Variants in EXT1 observed in about 807,000 individuals in gnomAD.
EXT1 encodes the protein exostosin glycosyltransferase 1.
EXT1 carries 20 observed loss-of-function variants against 82.5 expected under a neutral mutation model. The observed-to-expected ratio is 0.24, with a 90% CI of 0.17 to 0.35. The LOEUF (loss-of-function observed/expected upper bound fraction) is 0.35. Among genes scored for constraint, EXT1 ranks in the 10% least tolerant of loss-of-function variants. The probability of loss-of-function intolerance (pLI) is 1.00; values close to 1 mark genes in which losing one functional copy is unlikely to be tolerated. For synonymous variants in EXT1, 348 were observed against 350.8 expected (o/e 0.99, Z 0.09); for missense variants, 757 against 936.5 (o/e 0.81, Z 2.50).
intron 1 of EXT1, among the ~76,000 whole-genome samples, chr8:117,986,085 A>C (rs1194782952): frequency 6.6e-6 from 1 of 152,204 alleles, no homozygotes; most frequent in African/African-American, 2.4e-5. Flanking sequence ...TAATAGAGTT[A>C]CTAAAAATTT....
At chr8:117,865,961 A>T (rs1812768492) in intron 1 of EXT1, among the ~76,000 whole-genome samples, 1 of 152,228 alleles carries the variant, frequency 6.6e-6, no homozygotes, top group Non-Finnish European at 1.5e-5. Context: ...GCAGTGGCTC[A>T]CACCTGTAAT....
chr8:117,981,598 T>C (rs942911148), intron 1 of EXT1, among the ~76,000 whole-genome samples: 1 of 152,164 alleles, frequency 6.6e-6, no homozygotes, highest in African/African-American at 2.4e-5. Flanking sequence ...GGCTCATGGC[T>C]GTAATCCCAT....
chr8:118,059,537 C>A (rs1816850867), intron 1 of EXT1, among the ~76,000 whole-genome samples: 2 of 152,200 alleles, frequency 1.3e-5, no homozygotes, highest in African/African-American at 4.8e-5. Context: ...CCACCCAGCA[C>A]CAGACACATG....
chr8:117,845,406 T>C (rs1257509508), intron 1 of EXT1, among the ~76,000 whole-genome samples: 1 of 152,166 alleles, frequency 6.6e-6, no homozygotes, highest in Non-Finnish European at 1.5e-5. Context: ...TTCAGAACCT[T>C]AAACTTAGCC....
intron 1 of EXT1, among the ~76,000 whole-genome samples, chr8:118,065,428 A>C (rs1816963258): frequency 6.6e-6 from 1 of 152,228 alleles, no homozygotes; most frequent in Non-Finnish European, 1.5e-5. Flanking sequence ...GTGGCAAAAC[A>C]AAACAAAACA....
Position 118,110,091 on chromosome 8 carries a change from T to C in EXT1, c.956A>G (p.Tyr319Cys). The C allele has an allele frequency of 6.2e-7, 1 of 1,614,062 alleles. No homozygotes were observed. The highest frequency in any genetic ancestry group is 8.5e-7 in the Non-Finnish European group (1 of 1,180,026). The change falls in exon 1 of 11, where the codon TAT becomes TGT. Residue 319 changes from tyrosine (Y) to cysteine (C), a missense_variant. Tyr to Cys is a radical substitution (Grantham distance 194). This residue lies in a region of EXT1 where 247 missense variants were observed against 330.1 expected (regional missense o/e 0.75). Coordinates refer to ENST00000378204, the MANE Select transcript of EXT1 (RefSeq NM_000127.3). ...CGCCAGCCCAGACACTTACTTCTCA[T>C]ACTCGGTGTTGTCTCTGTCACAGCG... ...DSRCDRDNTE[Y>C]EKYDYREMLH...
chr8:118,004,415 T>C (rs1586337210), intron 1 of EXT1, among the ~76,000 whole-genome samples: 2 of 152,238 alleles, frequency 1.3e-5, no homozygotes, highest in Admixed American at 6.5e-5. Context: ...TGAGTCTTTA[T>C]TGAATGAATG....
At chr8:117,848,566 C>G (rs186918715) in intron 1 of EXT1, among the ~76,000 whole-genome samples, 1 of 152,234 alleles carries the variant, frequency 6.6e-6, no homozygotes, top group East Asian at 1.9e-4. Context: ...TGCCTTCATG[C>G]CCTGATATTT....
intron 1 of EXT1, among the ~76,000 whole-genome samples, chr8:117,839,003 GC>G (rs2129796249): frequency 6.6e-6 from 1 of 152,214 alleles, no homozygotes; most frequent in African/African-American, 2.4e-5. Flanking sequence ...GTTCCTAGTT[GC>G]AGAATTTACT....
chr8:117,947,978 G>A (rs1487921343), intron 1 of EXT1, among the ~76,000 whole-genome samples: 1 of 152,080 alleles, frequency 6.6e-6, no homozygotes, highest in African/African-American at 2.4e-5. Context: ...CAAATATTTG[G>A]AGGTGATTTT....
At chr8:117,924,815 T>A (rs2129640077) in intron 1 of EXT1, among the ~76,000 whole-genome samples, 1 of 152,316 alleles carries the variant, frequency 6.6e-6, no homozygotes, top group East Asian at 1.9e-4. Context: ...TCAAAAGGAA[T>A]CTTATATTCT....
At chr8:118,042,808 A>G (rs991601396) in intron 1 of EXT1, among the ~76,000 whole-genome samples, 6 of 152,112 alleles carry the variant, frequency 3.9e-5, no homozygotes, top group African/African-American at 1.4e-4. Context: ...ACCTCTGCCC[A>G]CCTATACATT....
At chr8:118,078,261 C>A (rs1482645499) in intron 1 of EXT1, among the ~76,000 whole-genome samples, 1 of 152,180 alleles carries the variant, frequency 6.6e-6, no homozygotes, top group Non-Finnish European at 1.5e-5. Context: ...TGCAGTGGCA[C>A]AATCTCCACT....
intron 1 of EXT1, among the ~76,000 whole-genome samples, chr8:117,993,347 A>C (rs1815473342): frequency 6.6e-6 from 1 of 152,238 alleles, no homozygotes; most frequent in Admixed American, 6.5e-5. Context: ...TATAAGAACT[A>C]AACTTGACAC....
At chr8:118,023,889 C>T (rs1409637577) in intron 1 of EXT1, among the ~76,000 whole-genome samples, 1 of 152,222 alleles carries the variant, frequency 6.6e-6, no homozygotes, top group Non-Finnish European at 1.5e-5. Context: ...TCCTTTCTTC[C>T]TGCATATTTG....
intron 1 of EXT1, among the ~76,000 whole-genome samples, chr8:118,012,491 A>G (rs956132490): frequency 2.6e-5 from 4 of 152,198 alleles, no homozygotes; most frequent in African/African-American, 9.7e-5. Context: ...CCACAAGGCC[A>G]CCCGACAAGG....
intron 1 of EXT1, among the ~76,000 whole-genome samples, chr8:117,935,181 C>T (rs1446430709): frequency 6.6e-6 from 1 of 152,150 alleles, no homozygotes; most frequent in East Asian, 1.9e-4. Flanking sequence ...CCTGGGCTCT[C>T]AAGAAACAAC....
chr8:118,025,158 T>C (rs1266380105), intron 1 of EXT1, among the ~76,000 whole-genome samples: 1 of 152,186 alleles, frequency 6.6e-6, no homozygotes, highest in Admixed American at 6.5e-5. Context: ...AGGAGTCATT[T>C]GCTATAAGAA....
rs2130044178 is a variant in EXT1, at chr8:118,110,713, T to C, written c.334A>G (p.Asn112Asp). Residue 112 changes from asparagine to aspartate, a missense_variant, in exon 1 of 11, where the codon AAC becomes GAC. This residue lies in a region of EXT1 where 175 missense variants were observed against 159.0 expected (regional missense o/e 1.10). Coordinates refer to ENST00000378204, the MANE Select transcript of EXT1 (RefSeq NM_000127.3). ...SCFDFTLCKKNGFKVYVYPQQ... is the reference protein window; with the variant it reads ...SCFDFTLCKKDGFKVYVYPQQ... The stretch of plus-strand genomic sequence containing the variant: ...GGGTATACGTAGACTTTGAAGCCGT[T>C]TTTCTTGCAAAGGGTGAAATCGAAG... The C allele has an allele frequency of 6.2e-7, 1 of 1,614,130 alleles. No individual in the cohort carries two copies. The highest frequency in any genetic ancestry group is 1.1e-5 in the South Asian group (1 of 91,078).
Sources: allele counts gnomAD v4.1 joint callset (sites outside exome capture counted in the v4.1 genomes callset), GRCh38; gene constraint gnomAD v4.1.1; regional missense constraint gnomAD v4.1.1; transcripts MANE v1.5; gene names NCBI Gene and HGNC (gene_info 2026-07-23, HGNC 2026-07-21).